SPECC1: variants seen among roughly 807,000 people sequenced by gnomAD.
SPECC1 encodes sperm antigen with calponin homology and coiled-coil domains 1, also known as cytospin-B.
A neutral mutation model predicts 104.1 loss-of-function variants in SPECC1; 62 were observed. That is an observed-to-expected ratio of 0.60 (90% CI 0.49 to 0.74). The LOEUF is 0.74. Among genes scored for constraint, SPECC1 ranks in the 30% least tolerant of loss-of-function variants. The probability of loss-of-function intolerance (pLI) is 0.00; values close to 1 mark genes in which losing one functional copy is unlikely to be tolerated. For missense variants in SPECC1, 1,306 were observed against 1,310.5 expected, an observed-to-expected ratio of 1.00 and a Z score of 0.05; for synonymous variants, 513 against 501.6, an observed-to-expected ratio of 1.02 and a Z score of -0.30.
chr17:20,302,702 T>G (rs560275619), intron 13 of SPECC1, among the ~76,000 whole-genome samples: 1 of 145,384 alleles, frequency 6.9e-6, no homozygotes, highest in East Asian at 2.4e-4. Flanking sequence ...CACGTCTTGC[T>G]CCGCTTGTGT....
At chr17:20,069,095 T>C (rs1221042227) in intron 1 of SPECC1, among the ~76,000 whole-genome samples, 1 of 152,230 alleles carries the variant, frequency 6.6e-6, no homozygotes, top group Admixed American at 6.5e-5. Flanking sequence ...ACAGTTACCT[T>C]TTCTGCTCCC....
chr17:20,022,828 T>G (rs2044447169), intron 1 of SPECC1, among the ~76,000 whole-genome samples: 1 of 152,182 alleles, frequency 6.6e-6, no homozygotes, highest in Non-Finnish European at 1.5e-5. Flanking sequence ...GTTCCCAAGA[T>G]TGCTTGGACA....
chr17:20,223,657 A>T (rs2038031463), intron 4 of SPECC1, among the ~76,000 whole-genome samples: 1 of 151,770 alleles, frequency 6.6e-6, no homozygotes, highest in African/African-American at 2.4e-5. Context: ...TGGGCGACAG[A>T]GCAAGACTTT....
rs1239005913 is a variant in SPECC1 at position 20,156,292 on chromosome 17, C to A, written c.283+45730C>A. ...GCCGCAACCCCACCCCCCCTCCAGGCGCCCTTCCCCCACCGCCTCCGGCTC... is the reference window on the plus strand; with the variant it reads ...GCCGCAACCCCACCCCCCCTCCAGGAGCCCTTCCCCCACCGCCTCCGGCTC... On this transcript the variant is annotated intron_variant, in intron 3 of 14. Transcript: ENST00000395527. 17 of 1,302,406 alleles carry A rather than the reference C, an allele frequency of 1.3e-5. No individual in the cohort carries two copies. In the Admixed American group the frequency reaches 1.7e-4, roughly 13 times the overall value. 80.7% of individuals were successfully genotyped at this position (1,302,406 alleles called of 1,614,324 possible). A position where few individuals can be genotyped will look rare whatever the true frequency, so the allele number is the denominator to read the frequency against.
chr17:20,115,865 G>A (rs944249863), intron 3 of SPECC1, among the ~76,000 whole-genome samples: 3 of 152,060 alleles, frequency 2.0e-5, no homozygotes, highest in East Asian at 1.9e-4. Flanking sequence ...TAAAATTTTC[G>A]GTAGATACTA....
In SPECC1 at chr17:20,231,840, C is replaced by T. The variant is rs544911428; in HGVS notation, c.2145+9C>T. 9.9e-6 allele frequency: 16 copies of T among 1,613,602 alleles called. No homozygotes were observed. In the Admixed American group the frequency reaches 1.0e-4, roughly 10 times the overall value. On this transcript the variant is annotated intron_variant, in intron 6 of 14. Coordinates refer to ENST00000395527, the MANE Select transcript of SPECC1 (RefSeq NM_001243439.2). ...TGACCAAGCAGATGAAGGTGAGATG[C>T]GGGTGGGAGCCTTCACCACCATCTT... is the stretch of plus-strand genomic sequence containing the variant.
At chr17:20,125,850 A>T (rs2049276827) in intron 3 of SPECC1, among the ~76,000 whole-genome samples, 1 of 152,188 alleles carries the variant, frequency 6.6e-6, no homozygotes, top group African/African-American at 2.4e-5. Flanking sequence ...ACTCTGCACT[A>T]GTTAAGGTGC....
intron 3 of SPECC1, among the ~76,000 whole-genome samples, chr17:20,171,761 G>C (rs1196948047): frequency 6.6e-6 from 1 of 152,032 alleles, no homozygotes; most frequent in South Asian, 2.1e-4. Context: ...TATTGCTCAG[G>C]CTGGTCTCAT....
intron 1 of SPECC1, among the ~76,000 whole-genome samples, chr17:20,061,045 A>C (rs1266498820): frequency 6.6e-6 from 1 of 152,182 alleles, no homozygotes; most frequent in Admixed American, 6.5e-5. Context: ...AATTTGTGAA[A>C]TATATGTGAA....
At chr17:20,298,950 T>A (rs199610728) in intron 13 of SPECC1, among the ~76,000 whole-genome samples, 556 of 35,614 alleles carry the variant, frequency 0.016, 13 homozygotes, top group East Asian at 0.1. Context: ...AGAGAGAGAG[T>A]GTGTGTGTGT....
intron 13 of SPECC1, among the ~76,000 whole-genome samples, chr17:20,299,140 TG>T (rs2041475910): frequency 6.6e-6 from 1 of 151,996 alleles, no homozygotes; most frequent in South Asian, 2.1e-4. Flanking sequence ...GGCCATTTGC[TG>T]GTGGAATTCC....
chr17:20,281,573 G>A (rs1440364420), intron 12 of SPECC1, among the ~76,000 whole-genome samples: 1 of 152,202 alleles, frequency 6.6e-6, no homozygotes, highest in East Asian at 1.9e-4. Context: ...TTGTGCAGAT[G>A]GCTCATGAGG....
Position 20,311,320 on chromosome 17 carries a change from G to A in SPECC1, c.3118-2656G>A, listed in dbSNP as rs569946917. Among the ~76,000 whole-genome samples the A allele has an allele frequency of 1.3e-4, 19 of 151,936 alleles. No homozygotes were observed. In the South Asian group the frequency reaches 3.3e-3, roughly 27 times the overall value. ...TTTTATGTCTCCCTTTCCAATCTGC[G>A]TGCCATTTGTTTCTTTTTCATGCCG... is the stretch of plus-strand genomic sequence containing the variant. On this transcript the variant is annotated intron_variant, in intron 14 of 14. Transcript: ENST00000395527.
intron 12 of SPECC1, among the ~76,000 whole-genome samples, chr17:20,274,132 C>G (rs1567599382): frequency 6.6e-6 from 1 of 152,288 alleles, no homozygotes; most frequent in East Asian, 1.9e-4. Context: ...TTTGTTAGGT[C>G]AAGTTTTATT....
chr17:20,271,355 C>T (rs770500593), intron 12 of SPECC1, among the ~76,000 whole-genome samples: 7 of 152,138 alleles, frequency 4.6e-5, no homozygotes, highest in Non-Finnish European at 8.8e-5. Context: ...CCCACCCCCC[C>T]CATGCTTCCT....
rs147421759 is a variant in SPECC1, at chr17:20,293,215, T to G, written c.2941-3746T>G. On this transcript the variant is annotated intron_variant, in intron 12 of 14. Coordinates refer to ENST00000395527, the MANE Select transcript of SPECC1 (RefSeq NM_001243439.2). ...AATGAGATTATAGGCTTTTTTTTTT[T>G]GCCTAAGATTATTTGCTTCCAGAAC... Among the ~76,000 whole-genome samples, 221 of 152,174 alleles carry G rather than the reference T, an allele frequency of 1.5e-3. 1 individual carries two copies. Among genetic ancestry groups the G allele is most frequent in the African/African-American group, 5.2e-3 (215 of 41,534 alleles).
At chr17:20,299,958 C>G (rs1376743737) in intron 13 of SPECC1, among the ~76,000 whole-genome samples, 1 of 152,208 alleles carries the variant, frequency 6.6e-6, no homozygotes, top group Non-Finnish European at 1.5e-5. Flanking sequence ...TGTTGTGTAT[C>G]TGCACTGCCC....
At chr17:20,132,166 T>C (rs1567866138) in intron 3 of SPECC1, among the ~76,000 whole-genome samples, 1 of 152,226 alleles carries the variant, frequency 6.6e-6, no homozygotes, top group Non-Finnish European at 1.5e-5. Context: ...ATGTGACTTT[T>C]CTTAGCCTGT....
intron 12 of SPECC1, among the ~76,000 whole-genome samples, chr17:20,293,301 A>G (rs990834992): frequency 2.0e-5 from 3 of 152,050 alleles, no homozygotes; most frequent in African/African-American, 7.2e-5. Flanking sequence ...CATCCTATGC[A>G]TGTTCTCCAG....
Sources: gnomAD v4.1 joint callset for allele counts (sites outside exome capture counted in the v4.1 genomes callset) on GRCh38, gnomAD v4.1.1 for gene constraint, MANE v1.5 for transcripts, NCBI Gene and HGNC (gene_info 2026-07-23, HGNC 2026-07-21) for gene names.